SLC16A2: variants seen among roughly 807,000 people sequenced by gnomAD.
SLC16A2 encodes monocarboxylate transporter 8.
Under a neutral mutation model 27.2 loss-of-function variants are expected in SLC16A2, and 3 were observed. That is an observed-to-expected ratio of 0.11 (90% CI 0.05 to 0.28). The LOEUF (loss-of-function observed/expected upper bound fraction) is 0.28. Ranked by LOEUF, SLC16A2 falls within the 10% of genes least tolerant of loss-of-function variation. SLC16A2 has a pLI of 1.00. For missense variants in SLC16A2, 295 were observed against 458.5 expected, an observed-to-expected ratio of 0.64 and a Z score of 3.26; for synonymous variants, 202 against 187.8, an observed-to-expected ratio of 1.08 and a Z score of -0.62.
chrX:74,528,398 C>A (rs1406610982), intron 4 of SLC16A2, among the ~76,000 whole-genome samples: 1 of 111,211 alleles, frequency 9.0e-6, no homozygotes, highest in African/African-American at 3.3e-5. Flanking sequence ...AAAAAAACAA[C>A]CTCTGGAAAG....
intron 1 of SLC16A2, among the ~76,000 whole-genome samples, chrX:74,447,940 C>T (rs1928867752): frequency 9.0e-6 from 1 of 111,092 alleles, no homozygotes; most frequent in African/African-American, 3.3e-5. Context: ...GAGCTGAGAT[C>T]CCTCCACTGC....
At chrX:74,506,942 T>TTATTTA (rs1569296956) in intron 1 of SLC16A2, among the ~76,000 whole-genome samples, 9 of 49,751 alleles carry the variant, frequency 1.8e-4, no homozygotes, top group South Asian at 9.1e-4. Context: ...TATTTATTTT[T>TTATTTA]TTTTTTTTGA....
At chrX:74,470,674 C>A (rs191579602) in intron 1 of SLC16A2, among the ~76,000 whole-genome samples, 1 of 111,751 alleles carries the variant, frequency 8.9e-6, no homozygotes, top group Admixed American at 9.5e-5. Flanking sequence ...ATGCCAGGCG[C>A]GGTGGCTAAC....
intron 1 of SLC16A2, among the ~76,000 whole-genome samples, chrX:74,469,201 C>T (rs1164819420): frequency 8.9e-5 from 10 of 112,069 alleles, no homozygotes; most frequent in Non-Finnish European, 1.7e-4. Flanking sequence ...TATGTTATCA[C>T]ATTTCCTTTA....
intron 1 of SLC16A2, among the ~76,000 whole-genome samples, chrX:74,464,167 A>G (rs1005236490): frequency 2.7e-5 from 3 of 112,310 alleles, no homozygotes; most frequent in African/African-American, 9.7e-5. Context: ...ACAGTTTGTC[A>G]TATCTAATTA....
chrX:74,440,522 C>CTTTTTT (rs34468845), intron 1 of SLC16A2, among the ~76,000 whole-genome samples: 1 of 70,031 alleles, frequency 1.4e-5, no homozygotes, highest in Non-Finnish European at 2.6e-5. Flanking sequence ...ATATAAATTC[C>CTTTTTT]TTTTTTTTTT....
intron 1 of SLC16A2, among the ~76,000 whole-genome samples, chrX:74,455,835 C>A: frequency 9.0e-6 from 1 of 111,567 alleles, no homozygotes; most frequent in Admixed American, 9.5e-5. Context: ...AATACCTATT[C>A]ACAAAGTCCA....
intron 1 of SLC16A2, among the ~76,000 whole-genome samples, chrX:74,491,574 C>T (rs1929825588): frequency 8.9e-6 from 1 of 111,919 alleles, no homozygotes; most frequent in South Asian, 3.8e-4. Flanking sequence ...GCATGTTCGA[C>T]TCCCACTTCC....
intron 1 of SLC16A2, among the ~76,000 whole-genome samples, chrX:74,482,372 G>C (rs1421268424): frequency 9.0e-6 from 1 of 110,958 alleles, no homozygotes; most frequent in Non-Finnish European, 1.9e-5. Context: ...TCTTATTTTT[G>C]AATATTTTCT....
intron 1 of SLC16A2, among the ~76,000 whole-genome samples, chrX:74,506,946 T>A (rs1459863433): frequency 2.9e-4 from 30 of 105,240 alleles, no homozygotes; most frequent in East Asian, 1.5e-3. Context: ...TATTTTTTTT[T>A]TTTTGAGGCA....
chrX:74,446,465 A>G (rs765865380), intron 1 of SLC16A2, among the ~76,000 whole-genome samples: 46 of 111,335 alleles, frequency 4.1e-4, no homozygotes, highest in Admixed American at 4.8e-4. Flanking sequence ...GCAAAAAAAT[A>G]CAAAAATTAG....
intron 1 of SLC16A2, among the ~76,000 whole-genome samples, chrX:74,472,112 A>C (rs1929367749): frequency 8.9e-6 from 1 of 112,122 alleles, no homozygotes; most frequent in Non-Finnish European, 1.9e-5. Context: ...CCTTTTGGCT[A>C]TTGTGAATGA....
intron 1 of SLC16A2, among the ~76,000 whole-genome samples, chrX:74,494,112 G>T (rs1456021548): frequency 8.9e-6 from 1 of 112,284 alleles, no homozygotes; most frequent in Non-Finnish European, 1.9e-5. Context: ...GCTGTCTCCA[G>T]TCACAAGCAC....
intron 1 of SLC16A2, among the ~76,000 whole-genome samples, chrX:74,507,444 C>T (rs1313801569): frequency 8.9e-6 from 1 of 111,866 alleles, no homozygotes; most frequent in African/African-American, 3.3e-5. Context: ...TTAGTTCAGT[C>T]ACTGTGGAAA....
chrX:74,513,007 G>A (rs770281700), intron 1 of SLC16A2, among the ~76,000 whole-genome samples: 19 of 111,372 alleles, frequency 1.7e-4, no homozygotes, highest in Non-Finnish European at 3.0e-4. Flanking sequence ...CCTTGTTACC[G>A]CTGAGAGGGG....
intron 1 of SLC16A2, among the ~76,000 whole-genome samples, chrX:74,470,717 C>A (rs904646791): frequency 9.0e-6 from 1 of 111,233 alleles, no homozygotes; most frequent in Non-Finnish European, 1.9e-5. Context: ...GAGGCCGAGG[C>A]GGGCAGATCA....
At chrX:74,529,019 T>C (rs1569300412) in intron 4 of SLC16A2, among the ~76,000 whole-genome samples, 194 bp from the exon 5 acceptor site, 1 of 112,236 alleles carries the variant, frequency 8.9e-6, no homozygotes, top group Non-Finnish European at 1.9e-5. Flanking sequence ...GGGGCTTTCT[T>C]GGACTTTGAA....
At position 74,456,596 on chromosome X, in the gene SLC16A2, G is replaced by A. The variant is rs886334; in HGVS notation, c.430+34529G>A. 1.4e-3 allele frequency among the ~76,000 whole-genome samples: 162 copies of A among 112,199 alleles called. 1 individual carries two copies. In the East Asian group the frequency reaches 0.036, roughly 25 times the overall value. On this transcript the variant is annotated intron_variant, in intron 1 of 5. Coordinates refer to ENST00000587091, the MANE Select transcript of SLC16A2 (RefSeq NM_006517.5). ...ATAATAAACTCATGTGATGCTGCCA[G>A]CATTCTAAAGAGCCTACCTTTGGGT...
chrX:74,452,047 A>G (rs762472836), intron 1 of SLC16A2, among the ~76,000 whole-genome samples: 16 of 112,782 alleles, frequency 1.4e-4, no homozygotes, highest in Non-Finnish European at 3.0e-4. Context: ...GAGCTAAATT[A>G]CTAGCAGTAG....
Sources: gnomAD v4.1 joint callset for allele counts (sites outside exome capture counted in the v4.1 genomes callset) on GRCh38, gnomAD v4.1.1 for gene constraint, MANE v1.5 for transcripts, NCBI Gene and HGNC (gene_info 2026-07-23, HGNC 2026-07-21) for gene names.